FAM217A: variants seen among roughly 807,000 people sequenced by gnomAD.
FAM217A encodes the protein protein FAM217A.
A neutral mutation model predicts 18.5 loss-of-function variants in FAM217A; 13 were observed. The ratio of observed to expected loss-of-function variants is 0.70; its 90% CI spans 0.46 to 1.12. The LOEUF (loss-of-function observed/expected upper bound fraction) is 1.12, where lower values mean the gene tolerates loss of function less well. FAM217A is among the 50% of genes most tolerant of loss of function. The pLI, the probability that FAM217A is intolerant of heterozygous loss-of-function variation, is 0.00. For missense variants in FAM217A, 560 were observed against 575.4 expected, an observed-to-expected ratio of 0.97 and a Z score of 0.27; for synonymous variants, 161 against 202.8, an observed-to-expected ratio of 0.79 and a Z score of 1.75.
At chr6:4,070,234 T>C (rs1436184307) in intron 6 of FAM217A, among the ~76,000 whole-genome samples, 1 of 152,248 alleles carries the variant, frequency 6.6e-6, no homozygotes, top group Non-Finnish European at 1.5e-5. Flanking sequence ...GCTAACTATA[T>C]GTTTGTCTAT....
rs532873370 is a variant in FAM217A, at chr6:4,077,462, G to A, written c.-34-14C>T. 6.4e-5 allele frequency: 102 copies of A among 1,588,532 alleles called. 1 individual carries two copies. The South Asian group carries it at 8.3e-4, about 13-fold the overall frequency. ...TTCCTTAAAATCCTACACAGATTGC[G>A]GGATAGGCACATTTATGGGTAAGGG... On this transcript the variant is annotated splice_polypyrimidine_tract_variant and intron_variant, in intron 1 of 6. Coordinates refer to ENST00000274673, the MANE Select transcript of FAM217A (RefSeq NM_173563.3).
Position 4,068,912 on chromosome 6 carries a change from T to C in FAM217A, c.1311A>G (p.Pro437=). 6.2e-7 allele frequency: 1 copy of C among 1,614,202 alleles called. No individual in the cohort carries two copies. The highest frequency in any genetic ancestry group is 8.5e-7 in the Non-Finnish European group (1 of 1,180,026). The change falls in exon 7 of 7, where the codon CCA becomes CCG. Residue 437 remains proline, a synonymous_variant. Transcript: ENST00000274673. The part of the protein sequence containing the change: ...MVKMVSTRCL[P]WRSPMPVSPI... The stretch of plus-strand genomic sequence containing the variant: ...GTGAAACTGGCATTGGAGACCTCCA[T>C]GGCAGACATCTTGTGGAGACCATTT...
chr6:4,083,742 C>G (rs981328785), upstream of FAM217A, among the ~76,000 whole-genome samples: 15 of 151,942 alleles, frequency 9.9e-5, no homozygotes, highest in Admixed American at 9.8e-4. Context: ...ATAGTAGAGA[C>G]GAGGTTTCAC....
chr6:4,079,667 A>G, upstream of FAM217A: 3 of 1,275,682 alleles, frequency 2.4e-6, no homozygotes, highest in Non-Finnish European at 3.1e-6. Context: ...ACATCAAGCC[A>G]GGAGCACCGC....
chr6:4,078,315 G>A (rs1450033945), intron 1 of FAM217A, among the ~76,000 whole-genome samples: 1 of 152,114 alleles, frequency 6.6e-6, no homozygotes, highest in African/African-American at 2.4e-5. Flanking sequence ...GTCTCCCAAA[G>A]TGCTGGGATT....
In FAM217A at chr6:4,068,982, A is replaced by T; in HGVS notation, c.1241T>A (p.Leu414His). 3 of 1,614,140 alleles carry T rather than the reference A, an allele frequency of 1.9e-6. No individual in the cohort carries two copies. Among genetic ancestry groups the T allele is most frequent in the Non-Finnish European group, 1.7e-6 (2 of 1,180,010 alleles). ...KSSILSPCQELSFKPTIGHTN... is the reference protein window; with the variant it reads ...KSSILSPCQEHSFKPTIGHTN... ...ATGGCCAATAGTAGGTTTGAATGAG[A>T]GTTCTTGGCATGGACTTAAAATAGA... is the stretch of plus-strand genomic sequence containing the variant. The change falls in exon 7 of 7, where the codon CTC becomes CAC. Residue 414 changes from leucine (L) to histidine (H), a missense_variant. Coordinates refer to ENST00000274673, the MANE Select transcript of FAM217A (RefSeq NM_173563.3).
At chr6:4,078,421 A>G (rs1050811924) in intron 1 of FAM217A, among the ~76,000 whole-genome samples, 2 of 152,178 alleles carry the variant, frequency 1.3e-5, no homozygotes, top group African/African-American at 4.8e-5. Context: ...ATTGTCTCCT[A>G]CAGAAAAGTG....
At chr6:4,079,216 C>T (rs1048899198), upstream of FAM217A, 12 of 259,116 alleles carry the variant, frequency 4.6e-5, no homozygotes, top group Non-Finnish European at 8.7e-5. Context: ...CGCGTATTCG[C>T]GGGCCGCGGG....
At chr6:4,070,974 T>C (rs1275105047) in intron 6 of FAM217A, among the ~76,000 whole-genome samples, 1 of 150,318 alleles carries the variant, frequency 6.7e-6, no homozygotes, top group Non-Finnish European at 1.5e-5. Context: ...CCAGCCTGGG[T>C]GACAGAATGA....
chr6:4,069,752 G>A lies in FAM217A; in HGVS notation c.471C>T (p.Asp157=). 1 of 1,613,996 alleles carries A rather than the reference G, an allele frequency of 6.2e-7. No homozygotes were observed. The part of the protein sequence containing the change: ...LGLCWPYADG[D]FFKNRNEIHV... ...GAATCTCATTTCTGTTCTTAAAAAA[G>A]TCTCCATCAGCATAGGGCCAGCAGA... The change falls in exon 7 of 7, where the codon GAC becomes GAT. Residue 157 remains aspartate, a synonymous_variant. Coordinates refer to ENST00000274673, the MANE Select transcript of FAM217A (RefSeq NM_173563.3).
At position 4,071,122 on chromosome 6, in the gene FAM217A, TGTA is replaced by T. The variant is rs796763294; in HGVS notation, c.303-1205_303-1203del. Among the ~76,000 whole-genome samples, 140 of 152,212 alleles carry T rather than the reference TGTA, an allele frequency of 9.2e-4. 1 individual carries two copies. The highest frequency in any genetic ancestry group is 3.1e-3 in the African/African-American group (130 of 41,530). On this transcript the variant is annotated intron_variant, in intron 6 of 6. Coordinates refer to ENST00000274673, the MANE Select transcript of FAM217A (RefSeq NM_173563.3). ...CTACAACTGTTAATAGACACGTACA[TGTA>T]GTATGAAGAGTGTGAAATCTGGAAA...
At chr6:4,074,767 C>A in intron 2 of FAM217A, 106 bp from the exon 3 acceptor site, 1 of 777,030 alleles carries the variant, frequency 1.3e-6, no homozygotes, top group South Asian at 1.7e-5. Flanking sequence ...CACAAAGCTT[C>A]ATGACTCTCA....
upstream of FAM217A, among the ~76,000 whole-genome samples, chr6:4,081,185 G>A (rs1054418860): frequency 1.3e-5 from 2 of 152,194 alleles, no homozygotes; most frequent in African/African-American, 4.8e-5. Context: ...GTATGGTGTG[G>A]TGACTATATG....
chr6:4,085,867 T>C (rs1770621818), intron 1 of FAM217A, among the ~76,000 whole-genome samples: 1 of 152,162 alleles, frequency 6.6e-6, no homozygotes, highest in Non-Finnish European at 1.5e-5. Context: ...CACAGCAGTC[T>C]GGGAGGCCGA....
intron 2 of FAM217A, among the ~76,000 whole-genome samples, chr6:4,075,492 A>G (rs1484602339): frequency 6.6e-6 from 1 of 152,190 alleles, no homozygotes; most frequent in African/African-American, 2.4e-5. Flanking sequence ...GGAAATATTC[A>G]AAAGAAAGCC....
At position 4,079,002 on chromosome 6, in the gene FAM217A, C is replaced by G. The variant is rs897742278; in HGVS notation, c.-185G>C. 4.2e-6 allele frequency: 2 copies of G among 475,758 alleles called. No individual in the cohort carries two copies. Among genetic ancestry groups the G allele is most frequent in the African/African-American group, 2.1e-5 (1 of 48,568 alleles). 29.5% of individuals were successfully genotyped at this position (475,758 alleles called of 1,614,324 possible). A position where few individuals can be genotyped will look rare whatever the true frequency, so the allele number is the denominator to read the frequency against. On this transcript the variant is annotated 5_prime_UTR_variant, in exon 1 of 7. Transcript: ENST00000274673. ...GGGGGACAAAGAGGGCGGCGGGCGG[C>G]TGGCGGCCTTGAGCGCAGCCCGGTC...
At chr6:4,074,320 T>G (rs1338915036) in intron 4 of FAM217A, 123 bp downstream of exon 4, 1 of 713,910 alleles carries the variant, frequency 1.4e-6, no homozygotes, top group Non-Finnish European at 2.2e-6. Flanking sequence ...TTGACTTGTG[T>G]GAAGAACTCT....
intron 6 of FAM217A, among the ~76,000 whole-genome samples, chr6:4,070,886 C>T (rs1044278959): frequency 1.3e-5 from 2 of 151,942 alleles, no homozygotes; most frequent in African/African-American, 4.8e-5. Flanking sequence ...GTCCCTGCTC[C>T]TCTGGAGGCT....
At chr6:4,078,781 G>A in intron 1 of FAM217A, 71 bp downstream of exon 1, 1 of 423,396 alleles carries the variant, frequency 2.4e-6, no homozygotes, top group Admixed American at 4.4e-5. Context: ...GCCGGACTGG[G>A]TGGGGAGCCC....
Sources: gnomAD v4.1 joint callset for allele counts (sites outside exome capture counted in the v4.1 genomes callset) on GRCh38, gnomAD v4.1.1 for gene constraint, MANE v1.5 for transcripts, NCBI Gene and HGNC (gene_info 2026-07-23, HGNC 2026-07-21) for gene names.